BMPER: variants seen among roughly 807,000 people sequenced by gnomAD.
The protein encoded by BMPER is BMP binding endothelial regulator.
A neutral mutation model predicts 87.3 loss-of-function variants in BMPER; 45 were observed. The ratio of observed to expected loss-of-function variants is 0.52; its 90% CI spans 0.41 to 0.66. BMPER has a LOEUF of 0.66. BMPER is among the 30% of genes least tolerant of loss of function. The pLI is 0.00. For synonymous variants in BMPER, 326 were observed against 316.2 expected (o/e 1.03, Z -0.33); for missense variants, 784 against 867.5 (o/e 0.90, Z 1.21).
At chr7:34,069,424 G>A (rs1788681774) in intron 11 of BMPER, among the ~76,000 whole-genome samples, 1 of 152,100 alleles carries the variant, frequency 6.6e-6, no homozygotes, top group South Asian at 2.1e-4. Context: ...AACTAACAGC[G>A]ACTTATTGAA....
At chr7:33,934,864 C>T (rs1488423914) in intron 2 of BMPER, among the ~76,000 whole-genome samples, 1 of 152,216 alleles carries the variant, frequency 6.6e-6, no homozygotes, top group Admixed American at 6.5e-5. Context: ...TAAAGCCATA[C>T]AGTCCTGGTA....
chr7:34,100,627 T>C (rs1488620389), intron 13 of BMPER, among the ~76,000 whole-genome samples: 3 of 152,206 alleles, frequency 2.0e-5, no homozygotes, highest in African/African-American at 7.2e-5. Context: ...TCAAATCATT[T>C]TTCCCCTGAA....
chr7:34,134,385 G>T (rs932324179), intron 13 of BMPER, among the ~76,000 whole-genome samples: 1 of 152,152 alleles, frequency 6.6e-6, no homozygotes, highest in Non-Finnish European at 1.5e-5. Context: ...CTAGAGGGGG[G>T]TCGTGACCAA....
chr7:33,985,219 A>G (rs750712350), intron 6 of BMPER, among the ~76,000 whole-genome samples: 3 of 152,250 alleles, frequency 2.0e-5, no homozygotes, highest in Non-Finnish European at 4.4e-5. Context: ...ACTACTGTTA[A>G]TATGATTTGA....
chr7:34,155,745 A>G lies in BMPER; in HGVS notation c.*2472A>G, dbSNP rs1378469800. The G allele has an allele frequency of 1.3e-5, 2 of 152,200 alleles. No individual in the cohort carries two copies. The highest frequency in any genetic ancestry group is 2.9e-5 in the Non-Finnish European group (2 of 68,036). 9.4% of individuals were successfully genotyped at this position (152,200 alleles called of 1,614,324 possible). Reference sequence around the variant, plus strand: ...TGGCTTAGTCTAATGATTGGGCACAATGAGGATTTACCAAGTGCTTCAATG... The same window carrying G: ...TGGCTTAGTCTAATGATTGGGCACAGTGAGGATTTACCAAGTGCTTCAATG... On this transcript the variant is annotated 3_prime_UTR_variant, in exon 15 of 15. Transcript: ENST00000649409.
chr7:34,146,043 A>G (rs971489184), intron 14 of BMPER, among the ~76,000 whole-genome samples: 1 of 151,866 alleles, frequency 6.6e-6, no homozygotes, highest in Non-Finnish European at 1.5e-5. Flanking sequence ...TCACATATAC[A>G]CACACACACA....
intron 6 of BMPER, among the ~76,000 whole-genome samples, chr7:34,025,331 T>A (rs527834422): frequency 6.6e-6 from 1 of 152,084 alleles, no homozygotes; most frequent in East Asian, 1.9e-4. Flanking sequence ...GGGTAGGTTC[T>A]GCAAGTTGAA....
At chr7:34,122,869 G>A (rs894910676) in intron 13 of BMPER, among the ~76,000 whole-genome samples, 6 of 152,052 alleles carry the variant, frequency 3.9e-5, no homozygotes, top group African/African-American at 9.7e-5. Context: ...TACCTGATTC[G>A]TTTGCAAAGG....
intron 3 of BMPER, among the ~76,000 whole-genome samples, chr7:33,941,403 G>A (rs2128610665): frequency 6.6e-6 from 1 of 151,590 alleles, no homozygotes; most frequent in South Asian, 2.1e-4. Context: ...CAGGGGTCGG[G>A]GGATGGTTTT....
intron 6 of BMPER, among the ~76,000 whole-genome samples, chr7:34,008,796 G>T (rs527800852): frequency 1.3e-5 from 2 of 151,884 alleles, no homozygotes; most frequent in African/African-American, 2.4e-5. Flanking sequence ...TGTTAGGGAA[G>T]TATCCACTCA....
In BMPER at chr7:34,058,244, G is replaced by T. The variant is rs116032698; in HGVS notation, c.1032+81G>T. 29 of 1,297,146 alleles carry T rather than the reference G, an allele frequency of 2.2e-5. No individual in the cohort carries two copies. In the African/African-American group the frequency reaches 3.8e-4, roughly 17 times the overall value. The allele number at this position is 1,297,146 out of a possible 1,614,324, so 80.4% of individuals were successfully genotyped here. ...GTGGCACAGTCGCATGCCATCTTCC[G>T]AACACAGACTCCAGCTCCCCCAAAG... is the stretch of plus-strand genomic sequence containing the variant. On this transcript the variant is annotated intron_variant, in intron 10 of 14. Coordinates refer to ENST00000649409, the MANE Select transcript of BMPER (RefSeq NM_001365308.1).
chr7:34,038,709 G>C (rs1235229851), intron 6 of BMPER, among the ~76,000 whole-genome samples: 3 of 152,088 alleles, frequency 2.0e-5, no homozygotes, highest in Admixed American at 6.5e-5. Context: ...TTTTGTTTTT[G>C]TCAGCCCCAT....
At chr7:34,150,428 G>T (rs1791141557) in intron 14 of BMPER, among the ~76,000 whole-genome samples, 1 of 152,102 alleles carries the variant, frequency 6.6e-6, no homozygotes, top group African/African-American at 2.4e-5. Flanking sequence ...TAATTGATCT[G>T]GGATGAAGTC....
intron 2 of BMPER, among the ~76,000 whole-genome samples, chr7:33,910,904 A>G (rs1783944602): frequency 6.6e-6 from 1 of 152,234 alleles, no homozygotes; most frequent in African/African-American, 2.4e-5. Context: ...TGGCTGGAGA[A>G]TAGATATCTA....
chr7:34,080,276 C>T (rs892033544), intron 12 of BMPER, among the ~76,000 whole-genome samples: 2 of 152,130 alleles, frequency 1.3e-5, no homozygotes, highest in African/African-American at 4.8e-5. Flanking sequence ...TTTTACCATA[C>T]CTTCAGAACC....
At chr7:34,096,606 A>G (rs62449756) in intron 13 of BMPER, among the ~76,000 whole-genome samples, 43,800 of 152,048 alleles carry the variant, frequency 0.29, 6,778 homozygotes, top group African/African-American at 0.36. Flanking sequence ...CTTGGCAAGT[A>G]AAAGGAGCAG....
At chr7:34,075,407 GA>G (rs534826873) in intron 11 of BMPER, among the ~76,000 whole-genome samples, 1 of 152,110 alleles carries the variant, frequency 6.6e-6, no homozygotes, top group African/African-American at 2.4e-5. Flanking sequence ...TTACCTTAGA[GA>G]AAAAACACTC....
Position 34,078,842 on chromosome 7 carries a change from C to T in BMPER, c.1079-15C>T. On this transcript the variant is annotated splice_polypyrimidine_tract_variant and intron_variant, in intron 11 of 14. Transcript: ENST00000649409. ...TTGGTTTGTGACCCGGCTTTTGTCT[C>T]TCACTCCTCCGCAGAGCCCGGCGTT... is the stretch of plus-strand genomic sequence containing the variant. 1.2e-6 allele frequency: 2 copies of T among 1,613,926 alleles called. No homozygotes were observed. The highest frequency in any genetic ancestry group is 1.3e-5 in the African/African-American group (1 of 75,026).
intron 11 of BMPER, among the ~76,000 whole-genome samples, chr7:34,074,361 T>C (rs1231373380): frequency 6.6e-6 from 1 of 152,190 alleles, no homozygotes; most frequent in East Asian, 1.9e-4. Flanking sequence ...TAGCTGTCAG[T>C]GACATTCTGT....
Sources: allele counts gnomAD v4.1 joint callset (sites outside exome capture counted in the v4.1 genomes callset), GRCh38; gene constraint gnomAD v4.1.1; transcripts MANE v1.5; gene names NCBI Gene and HGNC (gene_info 2026-07-23, HGNC 2026-07-21).